Variants in LNX2 observed in about 807,000 individuals in gnomAD.
LNX2 encodes ligand of numb-protein X 2.
LNX2 carries 35 observed loss-of-function variants against 66.2 expected under a neutral mutation model. That is an observed-to-expected ratio of 0.53 (90% confidence interval 0.40 to 0.70). The LOEUF is 0.70. Among genes scored for constraint, LNX2 ranks in the 30% least tolerant of loss-of-function variants. The pLI is 0.00. For synonymous variants in LNX2, 337 were observed against 315.6 expected, an observed-to-expected ratio of 1.07 and a Z score of -0.72; for missense variants, 791 against 850.8, an observed-to-expected ratio of 0.93 and a Z score of 0.87.
intron 1 of LNX2, among the ~76,000 whole-genome samples, chr13:27,588,571 A>G (rs568429009): frequency 6.6e-6 from 1 of 152,344 alleles, no homozygotes; most frequent in Non-Finnish European, 1.5e-5. Flanking sequence ...AATTGTATCA[A>G]TGCCAATATC....
intron 1 of LNX2, among the ~76,000 whole-genome samples, chr13:27,588,973 T>C (rs1309360350): frequency 1.3e-5 from 2 of 152,178 alleles, no homozygotes; most frequent in Non-Finnish European, 2.9e-5. Context: ...AAAATTCTAC[T>C]AGACACTTGT....
chr13:27,615,624 C>T (rs1955817919), intron 1 of LNX2, among the ~76,000 whole-genome samples: 1 of 152,164 alleles, frequency 6.6e-6, no homozygotes, highest in Admixed American at 6.5e-5. Flanking sequence ...GGGCTGCCAG[C>T]TGTTCAGTCA....
chr13:27,553,648 A>T (rs1955029461), intron 7 of LNX2, among the ~76,000 whole-genome samples: 1 of 152,320 alleles, frequency 6.6e-6, no homozygotes, highest in African/African-American at 2.4e-5. Flanking sequence ...ATTTTAAAAT[A>T]ATGTCATAAT....
At chr13:27,600,522 A>G (rs951461106) in intron 1 of LNX2, among the ~76,000 whole-genome samples, 4 of 152,234 alleles carry the variant, frequency 2.6e-5, no homozygotes, top group African/African-American at 9.6e-5. Flanking sequence ...ATCTGTAAGA[A>G]ACATTAATAT....
chr13:27,599,763 G>T (rs1955637212), intron 1 of LNX2, among the ~76,000 whole-genome samples: 1 of 152,106 alleles, frequency 6.6e-6, no homozygotes, highest in South Asian at 2.1e-4. Flanking sequence ...ACCCCAAAGA[G>T]GCAAATATTT....
At chr13:27,571,026 AAACTGCT>A (rs1391615549) in intron 2 of LNX2, among the ~76,000 whole-genome samples, 2 of 152,260 alleles carry the variant, frequency 1.3e-5, no homozygotes, top group African/African-American at 4.8e-5. Context: ...GTGAGACAGC[AAACTGCT>A]AACAGGAACT....
chr13:27,596,557 A>C (rs1955601113), intron 1 of LNX2, among the ~76,000 whole-genome samples: 2 of 152,156 alleles, frequency 1.3e-5, no homozygotes, highest in South Asian at 4.1e-4. Flanking sequence ...TCCATTTCAC[A>C]AATTTTATTT....
intron 1 of LNX2, 77 bp from the exon 2 acceptor site, chr13:27,581,880 T>C (rs1335367570): frequency 4.8e-6 from 2 of 418,088 alleles, no homozygotes; most frequent in South Asian, 8.8e-5. Flanking sequence ...AATGTAATAT[T>C]ACTGGTTAGC....
chr13:27,590,963 AAAGTGTATATATACATATAT>A (rs1566127747), intron 1 of LNX2, among the ~76,000 whole-genome samples: 1 of 151,830 alleles, frequency 6.6e-6, no homozygotes, highest in Non-Finnish European at 1.5e-5. Context: ...TATGTATTAT[AAAGTGTATATATACATATAT>A]ATGTGTGTGT....
At position 27,567,650 on chromosome 13, in the gene LNX2, T is replaced by C. The variant is rs1190280325; in HGVS notation, c.845A>G (p.Gln282Arg). The C allele has an allele frequency of 3.1e-6, 5 of 1,613,722 alleles. No individual in the cohort carries two copies. Among genetic ancestry groups the C allele is most frequent in the Non-Finnish European group, 4.2e-6 (5 of 1,179,632 alleles). Residue 282 changes from glutamine (Q) to arginine (R), a missense_variant, in exon 4 of 10, where the codon CAG (glutamine) becomes CGG (arginine). Gln to Arg is a conservative substitution (Grantham distance 43). Coordinates refer to ENST00000316334, the MANE Select transcript of LNX2 (RefSeq NM_153371.4). ...ARDGRLLAGD[Q>R]ILQVNNYNIS... is the part of the protein sequence containing the mutation. ...AATTAAAACTGATACCTGAAGAATC[T>C]GGTCTCCAGCAAGAAGTCTCCCGTC...
Position 27,546,879 on chromosome 13 carries a change from A to T in LNX2, c.*1456T>A, listed in dbSNP as rs1481161210. On this transcript the variant is annotated 3_prime_UTR_variant, in exon 10 of 10. Transcript: ENST00000316334. ...TTCAGAGGATAAGTATGTTGAATAA[A>T]GGACAAAAAATGGGCTAGTCATAAT... 6.6e-6 allele frequency: 1 copy of T among 152,178 alleles called. No individual in the cohort carries two copies. The highest frequency in any genetic ancestry group is 1.9e-4 in the East Asian group (1 of 5,198). The allele number at this position is 152,178 out of a possible 1,614,324, so 9.4% of individuals were successfully genotyped here.
chr13:27,576,090 A>C (rs1457981293), intron 2 of LNX2, among the ~76,000 whole-genome samples: 3 of 152,252 alleles, frequency 2.0e-5, no homozygotes, highest in Non-Finnish European at 4.4e-5. Flanking sequence ...GACACACTTC[A>C]GATTCAAAGA....
chr13:27,567,920 C>T (rs370878177), intron 3 of LNX2, 81 bp from the exon 4 acceptor site: 11 of 1,142,096 alleles, frequency 9.6e-6, no homozygotes, highest in African/African-American at 7.7e-5. Context: ...TGATTATCTT[C>T]AGGTAAGTAT....
At chr13:27,553,476 C>T (rs776267158) in intron 7 of LNX2, 37 bp from the exon 8 acceptor site, 4 of 1,541,110 alleles carry the variant, frequency 2.6e-6, no homozygotes, top group Admixed American at 3.4e-5. Flanking sequence ...TGAGCTGAGC[C>T]ACTGAGTTTT....
chr13:27,569,547 G>T (rs947427110), intron 2 of LNX2, among the ~76,000 whole-genome samples: 6 of 152,196 alleles, frequency 3.9e-5, no homozygotes, highest in Non-Finnish European at 4.4e-5. Context: ...GTATATACTT[G>T]TCACCAGAAA....
chr13:27,592,098 T>C (rs114994359), intron 1 of LNX2, among the ~76,000 whole-genome samples: 3,898 of 152,264 alleles, frequency 0.026, 199 homozygotes, highest in African/African-American at 0.088. Flanking sequence ...CTAAATCTTG[T>C]AGGGCCTAAA....
At chr13:27,587,818 A>G (rs189672610) in intron 1 of LNX2, among the ~76,000 whole-genome samples, 189 of 152,146 alleles carry the variant, frequency 1.2e-3, no homozygotes, top group Middle Eastern at 3.4e-3. Context: ...TCAGGAGATC[A>G]AGACCATCCT....
intron 1 of LNX2, among the ~76,000 whole-genome samples, chr13:27,600,967 A>G (rs1379399296): frequency 3.3e-5 from 5 of 152,228 alleles, no homozygotes; most frequent in African/African-American, 1.2e-4. Flanking sequence ...TGTATGGCCT[A>G]TCTTCCTTTA....
At chr13:27,586,189 A>T (rs1593254654) in intron 1 of LNX2, among the ~76,000 whole-genome samples, 2 of 152,032 alleles carry the variant, frequency 1.3e-5, no homozygotes, top group African/African-American at 4.8e-5. Flanking sequence ...AGTGCTATCT[A>T]TTATTAAAAA....
Sources: gnomAD v4.1 joint callset for allele counts (sites outside exome capture counted in the v4.1 genomes callset) on GRCh38, gnomAD v4.1.1 for gene constraint, MANE v1.5 for transcripts, NCBI Gene and HGNC (gene_info 2026-07-23, HGNC 2026-07-21) for gene names.